XKR4: variants seen among roughly 807,000 people sequenced by gnomAD.
The protein encoded by XKR4 is XK related 4.
A neutral mutation model predicts 53.9 loss-of-function variants in XKR4; 12 were observed. That is an observed-to-expected ratio of 0.22 (90% CI 0.14 to 0.36). The LOEUF is 0.36. XKR4 is among the 10% of genes least tolerant of loss of function. The probability of loss-of-function intolerance (pLI) is 1.00; values close to 1 mark genes in which losing one functional copy is unlikely to be tolerated. For synonymous variants in XKR4, 354 were observed against 362.4 expected (o/e 0.98, Z 0.26); for missense variants, 799 against 859.5 (o/e 0.93, Z 0.88).
At chr8:55,513,485 A>G (rs1806660567) in intron 2 of XKR4, among the ~76,000 whole-genome samples, 2 of 152,180 alleles carry the variant, frequency 1.3e-5, no homozygotes, top group Admixed American at 6.5e-5. Flanking sequence ...CACCCAGAGG[A>G]CCAGCCTGAA....
chr8:55,306,998 A>T (rs1347841092), intron 1 of XKR4, among the ~76,000 whole-genome samples: 1 of 152,070 alleles, frequency 6.6e-6, no homozygotes, highest in Non-Finnish European at 1.5e-5. Flanking sequence ...AGATCAATAC[A>T]GATCACAGAC....
intron 1 of XKR4, among the ~76,000 whole-genome samples, chr8:55,126,817 C>T (rs897139646): frequency 6.6e-6 from 1 of 152,192 alleles, no homozygotes; most frequent in African/African-American, 2.4e-5. Flanking sequence ...AAGTGCTTCA[C>T]CAGGTTAACC....
chr8:55,163,494 G>GT (rs1006453104), intron 1 of XKR4, among the ~76,000 whole-genome samples: 11 of 152,254 alleles, frequency 7.2e-5, no homozygotes, highest in Admixed American at 5.2e-4. Flanking sequence ...TGGACTCTGT[G>GT]TTTTTTTGTT....
At chr8:55,103,867 A>AC (rs1563457033) in intron 1 of XKR4, among the ~76,000 whole-genome samples, 2 of 135,092 alleles carry the variant, frequency 1.5e-5, no homozygotes, top group East Asian at 4.2e-4. Flanking sequence ...ATATATATAT[A>AC]TATATATATA....
intron 1 of XKR4, among the ~76,000 whole-genome samples, chr8:55,313,903 T>C (rs948724984): frequency 1.3e-5 from 2 of 152,336 alleles, no homozygotes; most frequent in East Asian, 3.9e-4. Flanking sequence ...TATGAGTGTT[T>C]CTGACCTAGT....
chr8:55,308,723 A>C (rs1819346312), intron 1 of XKR4, among the ~76,000 whole-genome samples: 1 of 152,206 alleles, frequency 6.6e-6, no homozygotes, highest in South Asian at 2.1e-4. Context: ...TAGTGGCTTT[A>C]TTTGAAATAA....
chr8:55,300,979 C>G (rs1819185173), intron 1 of XKR4, among the ~76,000 whole-genome samples: 1 of 151,908 alleles, frequency 6.6e-6, no homozygotes, highest in South Asian at 2.1e-4. Context: ...TCATCAGACA[C>G]TTTATTTTTT....
chr8:55,185,507 G>A (rs557159579), intron 1 of XKR4, among the ~76,000 whole-genome samples: 8 of 152,194 alleles, frequency 5.3e-5, no homozygotes, highest in African/African-American at 1.9e-4. Flanking sequence ...GACAATCCAG[G>A]AGCTAATAAA....
At chr8:55,270,726 A>C (rs1341064883) in intron 1 of XKR4, among the ~76,000 whole-genome samples, 2 of 152,242 alleles carry the variant, frequency 1.3e-5, no homozygotes, top group South Asian at 4.1e-4. Context: ...GCTGAAGAGT[A>C]TGAAAACTTA....
intron 1 of XKR4, among the ~76,000 whole-genome samples, chr8:55,143,731 G>T (rs1433192101): frequency 2.0e-5 from 3 of 152,214 alleles, no homozygotes; most frequent in Non-Finnish European, 2.9e-5. Flanking sequence ...GTGCCTCCAA[G>T]TCCCAAGAAT....
At chr8:55,278,404 A>G (rs1257086901) in intron 1 of XKR4, among the ~76,000 whole-genome samples, 1 of 150,492 alleles carries the variant, frequency 6.6e-6, no homozygotes, top group African/African-American at 2.4e-5. Flanking sequence ...ATTTGTCTTT[A>G]TTTCCAAAAA....
At chr8:55,449,726 CGGTGGTCGTA>C (rs1282167793) in intron 2 of XKR4, 11 of 927,586 alleles carry the variant, frequency 1.2e-5, no homozygotes, top group Non-Finnish European at 1.4e-5. Flanking sequence ...AGTGTCCACA[CGGTGGTCGTA>C]GTAGCGTAGC....
At chr8:55,469,691 G>A (rs1805841440) in intron 2 of XKR4, among the ~76,000 whole-genome samples, 1 of 152,046 alleles carries the variant, frequency 6.6e-6, no homozygotes, top group Admixed American at 6.6e-5. Flanking sequence ...TGTTAGAGCT[G>A]TACGGAATCT....
intron 1 of XKR4, among the ~76,000 whole-genome samples, chr8:55,177,794 G>T (rs1391349560): frequency 6.6e-6 from 1 of 152,112 alleles, no homozygotes. Context: ...AATTTGTTTG[G>T]CATTTGTCAT....
intron 1 of XKR4, among the ~76,000 whole-genome samples, chr8:55,341,919 TGTAA>T (rs1803554038): frequency 2.0e-5 from 3 of 152,168 alleles, no homozygotes; most frequent in South Asian, 2.1e-4. Context: ...AGGCTGGCAC[TGTAA>T]GTGAGGGCAG....
chr8:55,398,548 C>A (rs1279078165), intron 2 of XKR4, among the ~76,000 whole-genome samples: 1 of 152,150 alleles, frequency 6.6e-6, no homozygotes. Context: ...TTCCTCCACA[C>A]GGTGGAGGAG....
chr8:55,390,136 G>A (rs1804423628), intron 2 of XKR4, among the ~76,000 whole-genome samples: 1 of 152,164 alleles, frequency 6.6e-6, no homozygotes, highest in Admixed American at 6.5e-5. Context: ...ACACATTTGT[G>A]AGCATGTGGA....
intron 1 of XKR4, among the ~76,000 whole-genome samples, chr8:55,355,478 C>A (rs2129384121): frequency 6.6e-6 from 1 of 152,214 alleles, no homozygotes; most frequent in African/African-American, 2.4e-5. Context: ...AAAATTAAAA[C>A]TACACATGGA....
intron 2 of XKR4, among the ~76,000 whole-genome samples, chr8:55,521,157 G>C (rs563875113): frequency 2.0e-5 from 3 of 152,310 alleles, no homozygotes; most frequent in Admixed American, 6.5e-5. Context: ...GCTGGGCGCC[G>C]CGTTTAAAAG....
Sources: gnomAD v4.1 joint callset for allele counts (sites outside exome capture counted in the v4.1 genomes callset) on GRCh38, gnomAD v4.1.1 for gene constraint, MANE v1.5 for transcripts, NCBI Gene and HGNC (gene_info 2026-07-23, HGNC 2026-07-21) for gene names.